Variants in MGST2 observed in about 807,000 individuals in gnomAD.
The protein encoded by MGST2 is glutathione peroxidase MGST2.
Under a neutral mutation model 16.6 loss-of-function variants are expected in MGST2, and 9 were observed. That is an observed-to-expected ratio of 0.54 (90% confidence interval 0.33 to 0.95). MGST2 has a LOEUF of 0.95. MGST2 is among the 40% of genes least tolerant of loss of function. The pLI, the probability that MGST2 is intolerant of heterozygous loss-of-function variation, is 0.03. For synonymous variants in MGST2, 79 were observed against 68.0 expected (o/e 1.16, Z -0.79); for missense variants, 159 against 175.1 (o/e 0.91, Z 0.52).
chr4:139,724,935 T>G (rs1381904374), intron 5 of MGST2, among the ~76,000 whole-genome samples: 1 of 152,162 alleles, frequency 6.6e-6, no homozygotes, highest in Non-Finnish European at 1.5e-5. Flanking sequence ...ATTTTTTGCA[T>G]TTTTAGAGAG....
At position 139,704,134 on chromosome 4, in the gene MGST2, A is replaced by G. The variant is rs761834256; in HGVS notation, c.430A>G (p.Arg144Gly). The G allele has an allele frequency of 1.2e-6, 2 of 1,614,096 alleles. No homozygotes were observed. The highest frequency in any genetic ancestry group is 1.7e-6 in the Non-Finnish European group (2 of 1,180,034). The change falls in exon 5 of 5, where the codon AGG becomes GGG. Residue 144 changes from arginine to glycine, a missense_variant. Transcript: ENST00000265498. The part of the protein sequence containing the change: ...YLDLNIAKKL[R>G]RQF The stretch of plus-strand genomic sequence containing the variant: ...GGACCTCAATATTGCCAAGAAACTG[A>G]GGCGGCAATTCTAACTTTTTCTCTT...
At chr4:139,708,769 G>A (rs959742366), downstream of MGST2, among the ~76,000 whole-genome samples, 4 of 152,132 alleles carry the variant, frequency 2.6e-5, no homozygotes, top group Admixed American at 6.5e-5. Context: ...TTGGGAGGCC[G>A]AGGTGGGTGG....
chr4:139,735,277 G>A lies in MGST2; in HGVS notation c.*49-4935G>A, dbSNP rs532220783. 6.6e-6 allele frequency among the ~76,000 whole-genome samples: 1 copy of A among 152,340 alleles called. No individual in the cohort carries two copies. Among genetic ancestry groups the A allele is most frequent in the South Asian group, 2.1e-4 (1 of 4,830 alleles). Reference sequence around the variant, plus strand: ...TCGAGGCCCTCTTTGCACAAAATGAGTTCTCTCTCCATTGCCGTGTATCTC... The same window carrying A: ...TCGAGGCCCTCTTTGCACAAAATGAATTCTCTCTCCATTGCCGTGTATCTC... On this transcript the variant is annotated intron_variant, in intron 5 of 5. Coordinates refer to the MGST2 transcript ENST00000616265. This position sits in a 1 kb window ranked among gnomAD's most constrained non-coding sequence, Gnocchi z 5.8.
chr4:139,750,042 T>C, the MGST2 span, among the ~76,000 whole-genome samples: 15 of 152,128 alleles, frequency 9.9e-5, no homozygotes, highest in African/African-American at 3.6e-4. Flanking sequence ...TACCCTGAAG[T>C]GCCAATAGGA....
At chr4:139,688,810 T>C (rs1432383828) in intron 2 of MGST2, among the ~76,000 whole-genome samples, 1 of 152,156 alleles carries the variant, frequency 6.6e-6, no homozygotes, top group Non-Finnish European at 1.5e-5. Flanking sequence ...CACTGAATTA[T>C]TATAAAGGGC....
chr4:139,754,612 A>T, the MGST2 span, among the ~76,000 whole-genome samples: 2 of 152,204 alleles, frequency 1.3e-5, no homozygotes, highest in African/African-American at 2.4e-5. Flanking sequence ...AATTCCTAAA[A>T]GTAGAAGTTT....
intron 5 of MGST2, among the ~76,000 whole-genome samples, chr4:139,710,006 A>G (rs1400910799): frequency 6.6e-6 from 1 of 152,262 alleles, no homozygotes; most frequent in African/African-American, 2.4e-5. Flanking sequence ...AGAGGAAACA[A>G]ATCAAAAAGA....
chr4:139,695,337 T>C (rs1726857925), intron 3 of MGST2, 70 bp downstream of exon 3: 1 of 1,308,014 alleles, frequency 7.6e-7, no homozygotes, highest in Admixed American at 1.7e-5. Context: ...GGAGTAGATA[T>C]ATGGCCAGGC....
chr4:139,666,117 C>CGCGCTCGCGT (rs372455548), intron 1 of MGST2, 40 bp downstream of exon 1: 1 of 979,776 alleles, frequency 1.0e-6, no homozygotes. Context: ...CGCGTGTGTG[C>CGCGCTCGCGT]GTGTGTGTGT....
At chr4:139,666,568 T>G (rs185155171) in intron 1 of MGST2, among the ~76,000 whole-genome samples, 1 of 152,334 alleles carries the variant, frequency 6.6e-6, no homozygotes, top group East Asian at 1.9e-4. Flanking sequence ...GAAAAAAACT[T>G]CCTTCAGAAA....
rs1192139092 is a variant in MGST2 at position 139,703,498 on chromosome 4, C to T, written c.273C>T (p.His91=). The T allele has an allele frequency of 1.9e-6, 3 of 1,613,932 alleles. No homozygotes were observed. Among genetic ancestry groups the T allele is most frequent in the Admixed American group, 3.3e-5 (2 of 59,994 alleles). ...CLGLVYIYGR[H]LYFWGYSEAA... ...GTCTGGTGTACATATATGGCCGTCA[C>T]CTATACTTCTGGGGATATTCAGAAG... The change falls in exon 4 of 5, where the codon CAC becomes CAT. Residue 91 remains histidine, a synonymous_variant. Coordinates refer to ENST00000265498, the MANE Select transcript of MGST2 (RefSeq NM_002413.5).
intron 1 of MGST2, among the ~76,000 whole-genome samples, chr4:139,671,760 G>A (rs1730705486): frequency 6.6e-6 from 1 of 152,092 alleles, no homozygotes; most frequent in South Asian, 2.1e-4. Flanking sequence ...TCCCGGCTCA[G>A]CCTCCTGAGT....
At chr4:139,678,914 G>A in intron 2 of MGST2, 1 of 523,014 alleles carries the variant, frequency 1.9e-6, no homozygotes. Context: ...CTCCCAAGGA[G>A]GGTCACTGGG....
intron 5 of MGST2, among the ~76,000 whole-genome samples, chr4:139,726,406 A>G (rs1488229066): frequency 6.6e-6 from 1 of 152,150 alleles, no homozygotes; most frequent in African/African-American, 2.4e-5. Flanking sequence ...ATTCCTGTAC[A>G]TGCCTTTGGT....
chr4:139,725,738 G>T, intron 5 of MGST2: 1 of 1,613,068 alleles, frequency 6.2e-7, no homozygotes, highest in South Asian at 1.1e-5. Context: ...GAGAGAGGTT[G>T]CACTGGCCTC....
At chr4:139,727,174 A>G (rs1346135337) in intron 5 of MGST2, among the ~76,000 whole-genome samples, 1 of 152,194 alleles carries the variant, frequency 6.6e-6, no homozygotes, top group Non-Finnish European at 1.5e-5. Context: ...CTACAAGGCC[A>G]GCCAGTATTC....
intron 1 of MGST2, among the ~76,000 whole-genome samples, chr4:139,676,101 T>C (rs947834724): frequency 5.3e-5 from 8 of 152,202 alleles, no homozygotes; most frequent in African/African-American, 9.7e-5. Flanking sequence ...GCAATCTTTA[T>C]GTCACTATAG....
At chr4:139,733,243 C>G (rs1483744509) in intron 5 of MGST2, among the ~76,000 whole-genome samples, 1 of 152,104 alleles carries the variant, frequency 6.6e-6, no homozygotes, top group East Asian at 1.9e-4. Context: ...TTGATACTTT[C>G]CAGTTTTGAT....
At chr4:139,753,830 G>A in the MGST2 span, among the ~76,000 whole-genome samples, 79 of 152,236 alleles carry the variant, frequency 5.2e-4, no homozygotes, top group African/African-American at 1.5e-3. Context: ...CTACCAAGAC[G>A]CACGGGTATG....
Sources: allele counts gnomAD v4.1 joint callset (sites outside exome capture counted in the v4.1 genomes callset), GRCh38; gene constraint gnomAD v4.1.1; non-coding constraint Gnocchi (gnomAD v3.1); transcripts MANE v1.5; gene names NCBI Gene and HGNC (gene_info 2026-07-23, HGNC 2026-07-21).